Variants in SPAG16 observed in about 807,000 individuals in gnomAD.
SPAG16 encodes the protein sperm-associated antigen 16 protein.
A neutral mutation model predicts 80.4 loss-of-function variants in SPAG16; 86 were observed. That is an observed-to-expected ratio of 1.07 (90% CI 0.90 to 1.28). The LOEUF (loss-of-function observed/expected upper bound fraction) is 1.28. SPAG16 is among the 50% of genes most tolerant of loss of function. SPAG16 has a pLI of 0.00. For missense variants in SPAG16, 870 were observed against 765.3 expected (o/e 1.14, Z -1.61); for synonymous variants, 294 against 265.9 (o/e 1.11, Z -1.03).
At chr2:214,177,813 G>C (rs1052224243) in intron 15 of SPAG16, among the ~76,000 whole-genome samples, 1 of 146,492 alleles carries the variant, frequency 6.8e-6, no homozygotes, top group Non-Finnish European at 1.5e-5. Flanking sequence ...CCATAAGTTT[G>C]TTCCTATAAG....
chr2:213,412,085 C>G (rs1199754678), intron 9 of SPAG16, among the ~76,000 whole-genome samples: 1 of 152,056 alleles, frequency 6.6e-6, no homozygotes, highest in Non-Finnish European at 1.5e-5. Context: ...CCTACTCCAC[C>G]CTGACTCATT....
At chr2:214,279,420 T>C (rs923570674) in intron 15 of SPAG16, among the ~76,000 whole-genome samples, 1 of 152,104 alleles carries the variant, frequency 6.6e-6, no homozygotes, top group Admixed American at 6.6e-5. Context: ...CCCAGAGAGA[T>C]GAAAAACACA....
rs117328811 is a variant in SPAG16 at position 213,891,780 on chromosome 2, G to C, written c.1214+29152G>C. Among the ~76,000 whole-genome samples, 814 of 152,200 alleles carry C rather than the reference G, an allele frequency of 5.3e-3. 13 individuals are homozygous for C. The highest frequency in any genetic ancestry group is 0.042 in the East Asian group (217 of 5,164). On this transcript the variant is annotated intron_variant, in intron 11 of 15. Coordinates refer to ENST00000331683, the MANE Select transcript of SPAG16 (RefSeq NM_024532.5). ...ACTCTAAGGAGATGGTAAGATAATAGGACTTCCACATCTGCAATATCTGTC... is the reference window on the plus strand; with the variant it reads ...ACTCTAAGGAGATGGTAAGATAATACGACTTCCACATCTGCAATATCTGTC...
chr2:213,591,777 C>G (rs1027485711), intron 10 of SPAG16, among the ~76,000 whole-genome samples: 1 of 152,116 alleles, frequency 6.6e-6, no homozygotes, highest in Non-Finnish European at 1.5e-5. Flanking sequence ...AGGAGGAATT[C>G]TGGCTAAACT....
chr2:213,644,623 C>A (rs1559339161), intron 10 of SPAG16, among the ~76,000 whole-genome samples: 1 of 152,202 alleles, frequency 6.6e-6, no homozygotes, highest in Non-Finnish European at 1.5e-5. Context: ...CAGTCTTGGA[C>A]AAGGTCCAGG....
chr2:213,658,781 G>A (rs1034734137), intron 10 of SPAG16, among the ~76,000 whole-genome samples: 3 of 152,202 alleles, frequency 2.0e-5, no homozygotes, highest in Non-Finnish European at 4.4e-5. Flanking sequence ...GCTCACGCTT[G>A]TAATTCCAGC....
At chr2:213,734,195 T>A (rs542162894) in intron 10 of SPAG16, among the ~76,000 whole-genome samples, 15 of 152,286 alleles carry the variant, frequency 9.8e-5, no homozygotes, top group South Asian at 4.1e-4. Flanking sequence ...AGGAAAGAAT[T>A]GCAAGGACTG....
chr2:213,385,042 C>A (rs1427784538), intron 9 of SPAG16, among the ~76,000 whole-genome samples: 1 of 152,002 alleles, frequency 6.6e-6, no homozygotes, highest in East Asian at 1.9e-4. Flanking sequence ...ATAACATACT[C>A]TCTACTATCA....
intron 10 of SPAG16, among the ~76,000 whole-genome samples, chr2:213,734,737 G>A (rs1292328793): frequency 3.3e-5 from 5 of 151,876 alleles, no homozygotes; most frequent in African/African-American, 1.2e-4. Flanking sequence ...GTATGAACAT[G>A]AATTTCTTTA....
chr2:213,546,555 T>C (rs2125929988), intron 10 of SPAG16, among the ~76,000 whole-genome samples: 1 of 151,984 alleles, frequency 6.6e-6, no homozygotes, highest in Non-Finnish European at 1.5e-5. Context: ...GTAACTGTGC[T>C]AGGCAATGGG....
chr2:213,943,682 T>A (rs539728731), intron 12 of SPAG16, among the ~76,000 whole-genome samples: 5 of 152,174 alleles, frequency 3.3e-5, no homozygotes, highest in African/African-American at 9.7e-5. Context: ...TAAAGTGTGA[T>A]GAGCAAAAGG....
intron 15 of SPAG16, among the ~76,000 whole-genome samples, chr2:214,152,031 T>C (rs2055998074): frequency 6.6e-6 from 1 of 152,178 alleles, no homozygotes; most frequent in Admixed American, 6.6e-5. Flanking sequence ...TATTTTCTTA[T>C]GAAATGACAG....
chr2:214,230,458 C>T (rs1040052611), intron 15 of SPAG16, among the ~76,000 whole-genome samples: 6 of 151,830 alleles, frequency 4.0e-5, no homozygotes, highest in Non-Finnish European at 7.4e-5. Flanking sequence ...ATAAATATCC[C>T]GTCAGTGATA....
chr2:213,798,315 A>G (rs1459021532), intron 10 of SPAG16, among the ~76,000 whole-genome samples: 1 of 152,120 alleles, frequency 6.6e-6, no homozygotes, highest in Non-Finnish European at 1.5e-5. Context: ...ATGCAGTGGC[A>G]CAATCTTGGC....
At chr2:214,253,721 T>G (rs1242708865) in intron 15 of SPAG16, among the ~76,000 whole-genome samples, 1 of 152,154 alleles carries the variant, frequency 6.6e-6, no homozygotes, top group Non-Finnish European at 1.5e-5. Context: ...ATAGTATAGT[T>G]TGAAGTCAGG....
intron 8 of SPAG16, among the ~76,000 whole-genome samples, chr2:213,373,114 CTT>C (rs2066722989): frequency 1.4e-5 from 2 of 146,960 alleles, no homozygotes; most frequent in Admixed American, 1.3e-4. Context: ...GTACCATAGC[CTT>C]TGTCATTAAT....
At chr2:214,013,866 C>T in intron 12 of SPAG16, 85 bp from the exon 13 acceptor site, 1 of 1,346,318 alleles carries the variant, frequency 7.4e-7, no homozygotes, top group Non-Finnish European at 9.9e-7. Flanking sequence ...TTATTTCATG[C>T]CTCAGTTCCT....
intron 9 of SPAG16, among the ~76,000 whole-genome samples, chr2:213,408,205 C>T (rs1382036301): frequency 1.3e-5 from 2 of 152,108 alleles, no homozygotes; most frequent in Non-Finnish European, 1.5e-5. Context: ...AGGTCTTCTC[C>T]GTGACCCTGC....
chr2:214,276,370 A>C (rs1164881224), intron 15 of SPAG16, among the ~76,000 whole-genome samples: 1 of 152,140 alleles, frequency 6.6e-6, no homozygotes, highest in African/African-American at 2.4e-5. Context: ...CCATTAATTG[A>C]TGTAGTTTCT....
Sources: gnomAD v4.1 joint callset for allele counts (sites outside exome capture counted in the v4.1 genomes callset) on GRCh38, gnomAD v4.1.1 for gene constraint, MANE v1.5 for transcripts, NCBI Gene and HGNC (gene_info 2026-07-23, HGNC 2026-07-21) for gene names.